The following INTS4 variants were observed in gnomAD, a reference collection of about 807,000 sequenced individuals.
The protein encoded by INTS4 is integrator complex subunit 4.
Under a neutral mutation model 119.5 loss-of-function variants are expected in INTS4, and 70 were observed. The ratio of observed to expected loss-of-function variants is 0.59; its 90% CI spans 0.48 to 0.71. INTS4 has a LOEUF of 0.71. Among genes scored for constraint, INTS4 ranks in the 30% least tolerant of loss-of-function variants. INTS4 has a pLI of 0.00. For synonymous variants in INTS4, 316 were observed against 419.6 expected (o/e 0.75, Z 3.02); for missense variants, 867 against 1,173.2 (o/e 0.74, Z 3.81).
In INTS4 at chr11:77,942,924, C is replaced by G. The variant is rs1953963063; in HGVS notation, c.919-1673G>C. On this transcript the variant is annotated intron_variant, in intron 8 of 22. Transcript: ENST00000534064. ...TGATTCCACAAAAACAACTGCCATA[C>G]TATTTTGACTAAAGTAGTTTCAAAA... Among the ~76,000 whole-genome samples, 5 of 152,184 alleles carry G rather than the reference C, an allele frequency of 3.3e-5. No individual in the cohort carries two copies. In the South Asian group the frequency reaches 1.0e-3, roughly 31 times the overall value.
At chr11:77,951,360 A>C (rs1377828506) in intron 8 of INTS4, among the ~76,000 whole-genome samples, 1 of 152,182 alleles carries the variant, frequency 6.6e-6, no homozygotes, top group Admixed American at 6.5e-5. Context: ...ATAATGCCGC[A>C]TATCTACAAC....
intron 2 of INTS4, among the ~76,000 whole-genome samples, chr11:77,984,907 T>C (rs1449856270): frequency 2.0e-5 from 1 of 49,244 alleles, no homozygotes; most frequent in Non-Finnish European, 3.8e-5. Context: ...AGAAAATAAA[T>C]GTAAATGAAA....
chr11:77,970,911 G>A (rs544238389), intron 4 of INTS4, among the ~76,000 whole-genome samples: 1 of 152,020 alleles, frequency 6.6e-6, no homozygotes, highest in South Asian at 2.1e-4. Context: ...TCCCAGGTTC[G>A]AGCCTCATGC....
intron 9 of INTS4, among the ~76,000 whole-genome samples, chr11:77,940,635 T>C (rs1482326579): frequency 1.3e-5 from 2 of 152,060 alleles, no homozygotes; most frequent in Non-Finnish European, 2.9e-5. Flanking sequence ...TTGGTTGTTG[T>C]TTTTTGGGTT....
intron 18 of INTS4, among the ~76,000 whole-genome samples, chr11:77,897,236 G>C (rs1952564145): frequency 6.6e-6 from 1 of 151,860 alleles, no homozygotes; most frequent in Admixed American, 6.6e-5. Flanking sequence ...GCTCACGTCT[G>C]TAATCCTAGC....
intron 4 of INTS4, among the ~76,000 whole-genome samples, chr11:77,965,477 C>A (rs1326838383): frequency 6.6e-6 from 1 of 152,136 alleles, no homozygotes; most frequent in Non-Finnish European, 1.5e-5. Context: ...ATCAGCAACT[C>A]CCCCCTCCCT....
At chr11:77,919,352 T>C (rs974873193) in intron 14 of INTS4, among the ~76,000 whole-genome samples, 1 of 152,024 alleles carries the variant, frequency 6.6e-6, no homozygotes, top group African/African-American at 2.4e-5. Context: ...AATGGTACCA[T>C]CTCGGCTCAC....
At chr11:77,943,335 A>G (rs573241894) in intron 8 of INTS4, among the ~76,000 whole-genome samples, 1 of 152,206 alleles carries the variant, frequency 6.6e-6, no homozygotes, top group Admixed American at 6.5e-5. Flanking sequence ...GTCCTATAGC[A>G]TAGTAATCCA....
At chr11:77,951,166 T>C (rs1227132295) in intron 8 of INTS4, among the ~76,000 whole-genome samples, 2 of 152,170 alleles carry the variant, frequency 1.3e-5, no homozygotes, top group East Asian at 1.9e-4. Flanking sequence ...CTATTGTGAA[T>C]AGTGCCACAA....
intron 10 of INTS4, among the ~76,000 whole-genome samples, chr11:77,937,370 T>C (rs1272024475): frequency 6.6e-6 from 1 of 150,604 alleles, no homozygotes; most frequent in Middle Eastern, 3.2e-3. Flanking sequence ...CAGCTTGAGA[T>C]AAAAAGACAC....
chr11:77,992,736 A>C (rs1270527476), intron 1 of INTS4, among the ~76,000 whole-genome samples: 3 of 152,206 alleles, frequency 2.0e-5, no homozygotes, highest in African/African-American at 7.2e-5. Context: ...ACAACTTACT[A>C]GCTGGGGAAG....
chr11:77,916,750 A>G (rs1396576501), intron 15 of INTS4, among the ~76,000 whole-genome samples: 3 of 152,232 alleles, frequency 2.0e-5, no homozygotes, highest in Non-Finnish European at 4.4e-5. Flanking sequence ...TCCTTTGTGA[A>G]GCATCCCTCA....
intron 19 of INTS4, among the ~76,000 whole-genome samples, chr11:77,893,576 G>C (rs1952369388): frequency 6.6e-6 from 1 of 152,152 alleles, no homozygotes; most frequent in Non-Finnish European, 1.5e-5. Flanking sequence ...CTGGGTGACA[G>C]AGTGAGACCC....
rs546714363 is a variant in INTS4 at position 77,920,883 on chromosome 11, A to T, written c.1764+457T>A. Among the ~76,000 whole-genome samples the T allele has an allele frequency of 8.0e-4, 120 of 150,066 alleles. 1 individual carries two copies. The highest frequency in any genetic ancestry group is 2.7e-3 in the African/African-American group (112 of 41,180). ...TAATAATAATAAAAATAAATAAATA[A>T]ATATATATATATAACAATTTAAATT... On this transcript the variant is annotated intron_variant, in intron 14 of 22. Transcript: ENST00000534064.
intron 5 of INTS4, among the ~76,000 whole-genome samples, chr11:77,960,675 A>G (rs1218242173): frequency 6.6e-6 from 1 of 152,126 alleles, no homozygotes; most frequent in Non-Finnish European, 1.5e-5. Flanking sequence ...CCCTATTATA[A>G]TATCATACCA....
intron 1 of INTS4, among the ~76,000 whole-genome samples, chr11:77,992,130 G>T (rs981172551): frequency 6.6e-6 from 1 of 151,986 alleles, no homozygotes; most frequent in African/African-American, 2.4e-5. Context: ...TGGCATGGTG[G>T]CTCATGCCTG....
intron 4 of INTS4, among the ~76,000 whole-genome samples, chr11:77,975,564 C>T (rs1004288814): frequency 2.6e-5 from 4 of 151,802 alleles, no homozygotes; most frequent in Non-Finnish European, 4.4e-5. Context: ...ATAGAAACAG[C>T]GGTTGTAGTT....
chr11:77,942,765 G>A (rs1262489129), intron 8 of INTS4, among the ~76,000 whole-genome samples: 2 of 152,156 alleles, frequency 1.3e-5, no homozygotes, highest in Non-Finnish European at 1.5e-5. Flanking sequence ...AAATTTATCT[G>A]AGATCTTCTC....
At chr11:77,937,004 G>A (rs184340841) in intron 10 of INTS4, among the ~76,000 whole-genome samples, 5 of 152,108 alleles carry the variant, frequency 3.3e-5, no homozygotes, top group South Asian at 2.1e-4. Flanking sequence ...GCAAAACCCC[G>A]TCTCTACTAA....
Sources: allele counts gnomAD v4.1 joint callset (sites outside exome capture counted in the v4.1 genomes callset), GRCh38; gene constraint gnomAD v4.1.1; transcripts MANE v1.5; gene names NCBI Gene and HGNC (gene_info 2026-07-23, HGNC 2026-07-21).